Variants in FOXP1 observed in about 807,000 individuals in gnomAD.
FOXP1 encodes forkhead box P1.
FOXP1 carries 15 observed loss-of-function variants against 98.2 expected under a neutral mutation model. That is an observed-to-expected ratio of 0.15 (90% confidence interval 0.10 to 0.24). FOXP1 has a LOEUF of 0.24. Among genes scored for constraint, FOXP1 ranks in the 10% least tolerant of loss-of-function variants. The probability of loss-of-function intolerance (pLI) is 1.00; values close to 1 mark genes in which losing one functional copy is unlikely to be tolerated. For missense variants in FOXP1, 633 were observed against 848.5 expected (o/e 0.75, Z 3.15); for synonymous variants, 371 against 314.5 (o/e 1.18, Z -1.90).
chr3:71,239,137 G>C (rs555936644), intron 5 of FOXP1, among the ~76,000 whole-genome samples: 4 of 152,128 alleles, frequency 2.6e-5, no homozygotes, highest in Non-Finnish European at 5.9e-5. Flanking sequence ...TTGCATTTGA[G>C]CTTGGTCTGT....
At chr3:70,965,155 G>A (rs1238119967) in intron 20 of FOXP1, among the ~76,000 whole-genome samples, 5 of 152,134 alleles carry the variant, frequency 3.3e-5, no homozygotes, top group Admixed American at 6.5e-5. Flanking sequence ...TGGTTTCTTC[G>A]CTCTGTTTGA....
chr3:71,133,401 G>A (rs190868919), intron 6 of FOXP1, among the ~76,000 whole-genome samples: 9 of 152,242 alleles, frequency 5.9e-5, no homozygotes, highest in Admixed American at 1.3e-4. Context: ...TAGTCGTCTC[G>A]CTCTGGGCCT....
intron 3 of FOXP1, among the ~76,000 whole-genome samples, chr3:71,436,399 G>T (rs1038081737): frequency 2.0e-5 from 3 of 152,110 alleles, no homozygotes; most frequent in African/African-American, 7.2e-5. Context: ...CGCCGAACTT[G>T]TGGTCTGAGG....
intron 3 of FOXP1, among the ~76,000 whole-genome samples, chr3:71,449,623 C>T (rs2086753468): frequency 6.6e-6 from 1 of 152,176 alleles, no homozygotes; most frequent in African/African-American, 2.4e-5. Flanking sequence ...TGTCCTCTCC[C>T]ATACAAACAG....
intron 3 of FOXP1, among the ~76,000 whole-genome samples, chr3:71,384,720 T>C (rs6764775): frequency 0.41 from 62,508 of 152,056 alleles, 13,939 homozygotes; most frequent in Non-Finnish European, 0.5. Context: ...GTGAATTTCA[T>C]ATCACTGGCA....
chr3:70,987,809 C>T (rs2039990257), intron 14 of FOXP1, among the ~76,000 whole-genome samples, 185 bp downstream of exon 14: 3 of 152,200 alleles, frequency 2.0e-5, no homozygotes, highest in Non-Finnish European at 4.4e-5. Flanking sequence ...CTGTATCTCC[C>T]CAAATGCCTA....
At chr3:71,515,766 A>G (rs1159632847) in intron 2 of FOXP1, among the ~76,000 whole-genome samples, 3 of 152,230 alleles carry the variant, frequency 2.0e-5, no homozygotes, top group Non-Finnish European at 2.9e-5. Flanking sequence ...CTGGTTCAAC[A>G]TAAGCAAAAA....
chr3:71,198,002 G>T lies in FOXP1; in HGVS notation c.180+200C>A, dbSNP rs1476126272. The T allele has an allele frequency of 3.7e-6, 6 of 1,614,080 alleles. No homozygotes were observed. In the East Asian group the frequency reaches 1.3e-4, roughly 36 times the overall value. On this transcript the variant is annotated intron_variant, in intron 6 of 20. Transcript: ENST00000649528. ...ACCTGCAGGACTTCCAACTCCCAAG[G>T]GCTTGAAATTAGTCTCTTAAGCCAA...
intron 20 of FOXP1, among the ~76,000 whole-genome samples, chr3:70,964,587 C>G (rs1006510949): frequency 6.6e-6 from 1 of 152,112 alleles, no homozygotes; most frequent in African/African-American, 2.4e-5. Context: ...CGTGTCATGA[C>G]AATGATTTAA....
chr3:71,223,737 C>T (rs545678235), intron 5 of FOXP1, among the ~76,000 whole-genome samples: 2 of 151,468 alleles, frequency 1.3e-5, no homozygotes, highest in Non-Finnish European at 2.9e-5. Flanking sequence ...CTAAAGTACT[C>T]GAGATGCATT....
intron 2 of FOXP1, among the ~76,000 whole-genome samples, chr3:71,535,656 G>A (rs917719314): frequency 5.3e-5 from 8 of 151,472 alleles, no homozygotes; most frequent in African/African-American, 1.5e-4. Flanking sequence ...CCTGGGAGGT[G>A]AAGGCTGCAG....
intron 7 of FOXP1, among the ~76,000 whole-genome samples, chr3:71,082,907 T>C (rs776946060): frequency 1.3e-5 from 2 of 152,200 alleles, no homozygotes. Context: ...GGCTCACCTC[T>C]TTAAGATAAG....
intron 3 of FOXP1, among the ~76,000 whole-genome samples, chr3:71,384,397 C>T (rs748272815): frequency 2.0e-5 from 3 of 152,066 alleles, no homozygotes; most frequent in Admixed American, 1.3e-4. Flanking sequence ...AGAAAAGCAA[C>T]GGAAACAAGG....
At chr3:71,218,367 G>A (rs1276415244) in intron 5 of FOXP1, among the ~76,000 whole-genome samples, 2 of 152,188 alleles carry the variant, frequency 1.3e-5, no homozygotes, top group Admixed American at 1.3e-4. Flanking sequence ...ACAAGACACT[G>A]TCATTCATAT....
intron 3 of FOXP1, among the ~76,000 whole-genome samples, chr3:71,466,864 A>G (rs2088807160): frequency 6.6e-6 from 1 of 152,250 alleles, no homozygotes; most frequent in South Asian, 2.1e-4. Flanking sequence ...GACACATGCC[A>G]GGAATGATGA....
intron 3 of FOXP1, among the ~76,000 whole-genome samples, chr3:71,370,582 C>T (rs2079227497): frequency 6.6e-6 from 1 of 152,102 alleles, no homozygotes; most frequent in Non-Finnish European, 1.5e-5. Flanking sequence ...CGATCGGCAC[C>T]GGGGCACCAC....
intron 11 of FOXP1, among the ~76,000 whole-genome samples, chr3:71,023,555 C>CA (rs2045717820): frequency 6.6e-6 from 1 of 152,188 alleles, no homozygotes; most frequent in Admixed American, 6.5e-5. Flanking sequence ...GCTGATTCTT[C>CA]AATGACAGCT....
chr3:71,358,502 G>A (rs1382792633), intron 4 of FOXP1, among the ~76,000 whole-genome samples: 3 of 152,174 alleles, frequency 2.0e-5, no homozygotes, highest in Non-Finnish European at 4.4e-5. Flanking sequence ...AAGGAGTTTC[G>A]AAATTTTCAA....
intron 6 of FOXP1, among the ~76,000 whole-genome samples, chr3:71,164,120 G>A (rs2061284627): frequency 6.6e-6 from 1 of 152,070 alleles, no homozygotes; most frequent in Non-Finnish European, 1.5e-5. Context: ...ATAATCAGAT[G>A]GTTTCTCTTC....
Sources: allele counts gnomAD v4.1 joint callset (sites outside exome capture counted in the v4.1 genomes callset), GRCh38; gene constraint gnomAD v4.1.1; transcripts MANE v1.5; gene names NCBI Gene and HGNC (gene_info 2026-07-23, HGNC 2026-07-21).